The following TRPM6 variants were observed in gnomAD, a reference collection of about 807,000 sequenced individuals.
TRPM6 encodes the protein channel kinase 2.
In TRPM6, 111 loss-of-function variants were observed where a neutral mutation model predicts 247.6. That is an observed-to-expected ratio of 0.45 (90% CI 0.38 to 0.52). The LOEUF is 0.52. TRPM6 is among the 20% of genes least tolerant of loss of function. The probability of loss-of-function intolerance (pLI) is 0.00; values close to 1 mark genes in which losing one functional copy is unlikely to be tolerated. For synonymous variants in TRPM6, 892 were observed against 853.8 expected (o/e 1.04, Z -0.78); for missense variants, 2,126 against 2,421.5 (o/e 0.88, Z 2.56).
At chr9:74,848,057 TA>T (rs1564046749) in intron 3 of TRPM6, among the ~76,000 whole-genome samples, 2 of 152,218 alleles carry the variant, frequency 1.3e-5, no homozygotes, top group East Asian at 3.9e-4. Context: ...CCTGTGGCCA[TA>T]ATTTTGCAAC....
In TRPM6 at chr9:74,763,110, C is replaced by T; in HGVS notation, c.3561G>A (p.Leu1187=). The T allele has an allele frequency of 6.2e-7, 1 of 1,612,464 alleles. No individual in the cohort carries two copies. Among genetic ancestry groups the T allele is most frequent in the Non-Finnish European group, 8.5e-7 (1 of 1,180,020 alleles). ...SERVTEMYFQ[L]KEMNEKVSFI... is the part of the protein sequence containing the mutation. ...AAGACACCTTTTCATTCATTTCTTT[C>T]AGCTGGAAGTACATCTCTGTAACCC... The change falls in exon 26 of 39, where the codon CTG becomes CTA. Residue 1187 remains leucine, a synonymous_variant. Coordinates refer to ENST00000360774, the MANE Select transcript of TRPM6 (RefSeq NM_017662.5).
Position 74,827,303 on chromosome 9 carries a change from C to T in TRPM6, c.841+475G>A, listed in dbSNP as rs41287421. 975 of 156,876 alleles carry T rather than the reference C, an allele frequency of 6.2e-3. 7 individuals are homozygous for T. The highest frequency in any genetic ancestry group is 8.4e-3 in the Non-Finnish European group (599 of 71,262). 9.7% of individuals were successfully genotyped at this position (156,876 alleles called of 1,614,324 possible). A position where few individuals can be genotyped will look rare whatever the true frequency, so the allele number is the denominator to read the frequency against. The stretch of plus-strand genomic sequence containing the variant: ...CTCCATCATCCCCCAAACATTTCTT[C>T]CTCTCTCTCAACTGTCACCCACAAG... On this transcript the variant is annotated intron_variant, in intron 7 of 38. Transcript: ENST00000360774.
At position 74,732,671 on chromosome 9, in the gene TRPM6, A is replaced by G. The variant is rs756592766; in HGVS notation, c.5828+14T>C. The stretch of plus-strand genomic sequence containing the variant: ...AATGCAATTTTCTAAATGATAACAC[A>G]TAAATTAACTTACTGTTTGACTTCA... On this transcript the variant is annotated intron_variant, in intron 37 of 38. Transcript: ENST00000360774. 5 of 1,582,126 alleles carry G rather than the reference A, an allele frequency of 3.2e-6. No homozygotes were observed. In the African/African-American group the frequency reaches 4.0e-5, roughly 13 times the overall value.
chr9:74,885,599 C>A (rs979731778), intron 1 of TRPM6, among the ~76,000 whole-genome samples: 5 of 152,104 alleles, frequency 3.3e-5, no homozygotes, highest in Non-Finnish European at 5.9e-5. Flanking sequence ...TAATATCTTA[C>A]CTAACAGTGA....
intron 1 of TRPM6, among the ~76,000 whole-genome samples, chr9:74,873,729 G>A (rs576969015): frequency 6.6e-6 from 1 of 151,860 alleles, no homozygotes; most frequent in Non-Finnish European, 1.5e-5. Flanking sequence ...AAATTATAAA[G>A]ATTTTTTATC....
intron 8 of TRPM6, 51 bp from the exon 9 acceptor site, chr9:74,820,478 G>T: frequency 6.2e-7 from 1 of 1,610,846 alleles, no homozygotes; most frequent in East Asian, 2.2e-5. Flanking sequence ...GGAATGAGCC[G>T]GCAACATCAG....
intron 31 of TRPM6, 41 bp from the exon 32 acceptor site, chr9:74,744,186 G>A (rs762438561): frequency 1.3e-5 from 20 of 1,578,242 alleles, no homozygotes; most frequent in Non-Finnish European, 1.7e-5. Flanking sequence ...TTACATGGCT[G>A]GAGATAAATA....
Position 74,812,375 on chromosome 9 carries a change from A to G in TRPM6, c.1367T>C (p.Val456Ala). 6.2e-7 allele frequency: 1 copy of G among 1,614,104 alleles called. No individual in the cohort carries two copies. Among genetic ancestry groups the G allele is most frequent in the Non-Finnish European group, 8.5e-7 (1 of 1,179,988 alleles). ...DALVMDRVDFVKLLIEYGVNL... is the reference protein window; with the variant it reads ...DALVMDRVDFAKLLIEYGVNL... ...CACTCCATATTCTATTAAGAGCTTC[A>G]CAAAATCCACCCGATCCATCACTAA... Residue 456 changes from valine (V) to alanine (A), a missense_variant, in exon 12 of 39, where the codon GTG (valine) becomes GCG (alanine). Val to Ala is a moderately conservative substitution (Grantham distance 64). Around this residue, in one of 3 missense-constraint regions of TRPM6, gnomAD observed 1,082 missense variants for 1,307.9 expected, o/e 0.83. Coordinates refer to ENST00000360774, the MANE Select transcript of TRPM6 (RefSeq NM_017662.5).
At chr9:74,740,959 C>T (rs961945018) in intron 33 of TRPM6, among the ~76,000 whole-genome samples, 1 of 152,038 alleles carries the variant, frequency 6.6e-6, no homozygotes, top group African/African-American at 2.4e-5. Context: ...ACCCCAGAGC[C>T]TCTCCTTCCT....
intron 25 of TRPM6, among the ~76,000 whole-genome samples, chr9:74,766,510 G>C (rs1446147294): frequency 1.3e-5 from 2 of 152,190 alleles, no homozygotes; most frequent in African/African-American, 4.8e-5. Flanking sequence ...TATTCACTGA[G>C]TGCTCACTAT....
At chr9:74,737,431 A>C in intron 36 of TRPM6, 1 of 1,289,882 alleles carries the variant, frequency 7.8e-7, no homozygotes, top group South Asian at 1.2e-5. Flanking sequence ...CTTTCAGCAT[A>C]GAATCCCAGA....
chr9:74,750,663 C>G lies in TRPM6; in HGVS notation c.5057+1G>C, dbSNP rs1415543783. On this transcript the variant is annotated splice_donor_variant, in intron 30 of 38. Transcript: ENST00000360774. LOFTEE classifies it high-confidence loss of function. ...AAACATAAACATTTAGAAATACTCACAGGGAGTTCCTATTGAGGTTGGTGC... is the reference window on the plus strand; with the variant it reads ...AAACATAAACATTTAGAAATACTCAGAGGGAGTTCCTATTGAGGTTGGTGC... The G allele has an allele frequency of 6.2e-7, 1 of 1,613,350 alleles. No homozygotes were observed. The highest frequency in any genetic ancestry group is 1.3e-5 in the African/African-American group (1 of 74,898).
At chr9:74,885,245 C>T (rs1831495856) in intron 1 of TRPM6, among the ~76,000 whole-genome samples, 1 of 152,134 alleles carries the variant, frequency 6.6e-6, no homozygotes, top group Non-Finnish European at 1.5e-5. Flanking sequence ...TAACTATATT[C>T]AGAGGATCTA....
At chr9:74,833,053 G>GAA (rs1221401751) in intron 6 of TRPM6, among the ~76,000 whole-genome samples, 4 of 134,624 alleles carry the variant, frequency 3.0e-5, no homozygotes, top group African/African-American at 2.7e-5. Context: ...TCCGTCTCAG[G>GAA]AAAAAAAAAA....
chr9:74,843,636 G>A (rs951680532), intron 3 of TRPM6, among the ~76,000 whole-genome samples: 5 of 151,000 alleles, frequency 3.3e-5, no homozygotes, highest in Middle Eastern at 3.4e-3. Context: ...GTGAAACCCC[G>A]TCTCTACTAA....
At chr9:74,872,823 T>G (rs2118470535) in intron 1 of TRPM6, among the ~76,000 whole-genome samples, 1 of 152,276 alleles carries the variant, frequency 6.6e-6, no homozygotes, top group African/African-American at 2.4e-5. Context: ...GCATCTATAT[T>G]GCCACTGCCC....
At chr9:74,794,062 C>G (rs1178733695) in intron 18 of TRPM6, among the ~76,000 whole-genome samples, 9 of 151,828 alleles carry the variant, frequency 5.9e-5, no homozygotes, top group African/African-American at 2.2e-4. Context: ...GCATTTATAG[C>G]CTGGCTACCT....
At chr9:74,875,278 C>T (rs1831158688) in intron 1 of TRPM6, 2 of 454,916 alleles carry the variant, frequency 4.4e-6, no homozygotes, top group Non-Finnish European at 8.8e-6. Flanking sequence ...TGTGGTGACT[C>T]ACGCCTGTAA....
chr9:74,812,218 T>C (rs1019003990), intron 12 of TRPM6, 81 bp downstream of exon 12: 1 of 1,589,326 alleles, frequency 6.3e-7, no homozygotes, highest in East Asian at 2.2e-5. Context: ...ATAAGGAGTT[T>C]TGCCTCTGCA....
Sources: allele counts gnomAD v4.1 joint callset (sites outside exome capture counted in the v4.1 genomes callset), GRCh38; gene constraint gnomAD v4.1.1; regional missense constraint gnomAD v4.1.1; transcripts MANE v1.5; gene names NCBI Gene and HGNC (gene_info 2026-07-23, HGNC 2026-07-21).